ALS2CL: variants seen among roughly 807,000 people sequenced by gnomAD.
The protein encoded by ALS2CL is ALS2 C-terminal-like protein.
Under a neutral mutation model 127.9 loss-of-function variants are expected in ALS2CL, and 112 were observed. The ratio of observed to expected loss-of-function variants is 0.88; its 90% CI spans 0.75 to 1.02. ALS2CL has a LOEUF of 1.02. Ranked by LOEUF, ALS2CL falls within the 50% of genes least tolerant of loss-of-function variation. The pLI, the probability that ALS2CL is intolerant of heterozygous loss-of-function variation, is 0.00. For missense variants in ALS2CL, 1,174 were observed against 1,236.7 expected (o/e 0.95, Z 0.76); for synonymous variants, 519 against 527.6 (o/e 0.98, Z 0.22).
Position 46,675,477 on chromosome 3 carries a change from G to C in ALS2CL, c.2255+141C>G. On this transcript the variant is annotated intron_variant, in intron 20 of 25. Coordinates refer to ENST00000318962, the MANE Select transcript of ALS2CL (RefSeq NM_147129.5). ...TCATGGGTCATTCTAATCCACAAAC[G>C]ATCAATGCACAATGTTTGGTCAATA... is the stretch of plus-strand genomic sequence containing the variant. The C allele has an allele frequency of 3.8e-6, 3 of 787,482 alleles. No individual in the cohort carries two copies. In the South Asian group the frequency reaches 5.1e-5, roughly 13 times the overall value. 48.8% of individuals were successfully genotyped at this position (787,482 alleles called of 1,614,324 possible). A position where few individuals can be genotyped will look rare whatever the true frequency, so the allele number is the denominator to read the frequency against.
Position 46,681,461 on chromosome 3 carries a change from T to C in ALS2CL, c.1274+39A>G. 6.2e-7 allele frequency: 1 copy of C among 1,613,568 alleles called. No homozygotes were observed. Among genetic ancestry groups the C allele is most frequent in the Non-Finnish European group, 8.5e-7 (1 of 1,179,640 alleles). On this transcript the variant is annotated intron_variant, in intron 12 of 25. Transcript: ENST00000318962. This position sits in a 1 kb window ranked among gnomAD's most constrained non-coding sequence, Gnocchi z 4.9. ...GCCTCATGGAGCTCAGCCCAGAGGA[T>C]GGGCCCAGCCCATGAACCCCCCAGC... is the stretch of plus-strand genomic sequence containing the variant.
chr3:46,685,445 T>C (rs1466279212), intron 7 of ALS2CL, 80 bp downstream of exon 7: 1 of 1,569,594 alleles, frequency 6.4e-7, no homozygotes, highest in African/African-American at 1.3e-5. Context: ...CCCAGCAGCA[T>C]GCCCCTTTAC....
chr3:46,673,305 G>A (rs1339695372), intron 22 of ALS2CL, 34 bp downstream of exon 22: 8 of 1,551,906 alleles, frequency 5.2e-6, no homozygotes, highest in Non-Finnish European at 7.0e-6. Context: ...GACCTCTGGG[G>A]GCCCCTGGCT....
At chr3:46,682,170 G>A (rs1403249969) in intron 10 of ALS2CL, 76 bp from the exon 11 acceptor site, 57 of 1,500,332 alleles carry the variant, frequency 3.8e-5, no homozygotes, top group Non-Finnish European at 4.8e-5. Context: ...TTTCTCAGAC[G>A]CCCTCCCTTC....
rs142105856 is a variant in ALS2CL, at chr3:46,680,669, A to G, written c.1437-128T>C. 6.0e-4 allele frequency: 460 copies of G among 761,236 alleles called. 1 individual carries two copies. In the African/African-American group the frequency reaches 6.7e-3, roughly 11 times the overall value. The allele number at this position is 761,236 out of a possible 1,614,324, so 47.2% of individuals were successfully genotyped here. A position where few individuals can be genotyped will look rare whatever the true frequency, so the allele number is the denominator to read the frequency against. ...GTGACATCACCTGAATCCACTCAAC[A>G]GACACAGTGCCAGAGAGGTCAGGAC... On this transcript the variant is annotated intron_variant, in intron 13 of 25. Coordinates refer to ENST00000318962, the MANE Select transcript of ALS2CL (RefSeq NM_147129.5).
chr3:46,673,667 GAGCC>G (rs1698587041), intron 21 of ALS2CL, among the ~76,000 whole-genome samples: 1 of 152,224 alleles, frequency 6.6e-6, no homozygotes, highest in African/African-American at 2.4e-5. Flanking sequence ...AGGCTCTGCT[GAGCC>G]AGCACAGGGC....
At position 46,670,543 on chromosome 3, in the gene ALS2CL, A is replaced by G. The variant is rs1245675009; in HGVS notation, c.*441T>C. ...GAGGCTTCGAGCCTGCCAGAGGTCA[A>G]TACAGCCCAGCAGACTAAAGTCAGT... On this transcript the variant is annotated 3_prime_UTR_variant, in exon 26 of 26. Transcript: ENST00000318962. This position sits in a 1 kb window ranked among gnomAD's most constrained non-coding sequence, Gnocchi z 5.5. 1 of 180,402 alleles carries G rather than the reference A, an allele frequency of 5.5e-6. No homozygotes were observed. Among genetic ancestry groups the G allele is most frequent in the Non-Finnish European group, 1.2e-5 (1 of 84,020 alleles). 11.2% of individuals were successfully genotyped at this position (180,402 alleles called of 1,614,324 possible).
chr3:46,680,485 A>G lies in ALS2CL; in HGVS notation c.1493T>C (p.Met498Thr), dbSNP rs138551805. The G allele has an allele frequency of 6.2e-7, 1 of 1,613,512 alleles. No individual in the cohort carries two copies. The highest frequency in any genetic ancestry group is 8.5e-7 in the Non-Finnish European group (1 of 1,180,010). The change falls in exon 14 of 26, where the codon ATG becomes ACG. Residue 498 changes from methionine to threonine, a missense_variant. By Grantham distance (81) the Met-to-Thr change is moderately conservative. Transcript: ENST00000318962. ...QAGQRHGPGV[M>T]VTQAGVCYQG... is the part of the protein sequence containing the mutation. ...GTAGCAGACACCTGCCTGGGTGACC[A>G]TGACCCCTGGGCCGTGGCGCTGACC...
At position 46,670,699 on chromosome 3, in the gene ALS2CL, A is replaced by G; in HGVS notation, c.*285T>C. 1 of 417,066 alleles carries G rather than the reference A, an allele frequency of 2.4e-6. No individual in the cohort carries two copies. Among genetic ancestry groups the G allele is most frequent in the Non-Finnish European group, 4.5e-6 (1 of 222,640 alleles). 25.8% of individuals were successfully genotyped at this position (417,066 alleles called of 1,614,324 possible). On this transcript the variant is annotated 3_prime_UTR_variant, in exon 26 of 26. Transcript: ENST00000318962. This position sits in a 1 kb window ranked among gnomAD's most constrained non-coding sequence, Gnocchi z 5.5. ...GAACTTGGGAGAAAGGCTCAGGCTA[A>G]GAGAAGCCAGGGACTCCTCACCCCC...
Position 46,672,731 on chromosome 3 carries a change from A to T in ALS2CL, c.2473-530T>A, listed in dbSNP as rs573683119. ...TGGTTCTGGCCAAGCGCAGTGGCTC[A>T]CGCCTGTAATCCCACCACTTTAGGA... On this transcript the variant is annotated intron_variant, in intron 22 of 25. Coordinates refer to ENST00000318962, the MANE Select transcript of ALS2CL (RefSeq NM_147129.5). Among the ~76,000 whole-genome samples the T allele has an allele frequency of 2.6e-5, 4 of 152,304 alleles. No homozygotes were observed. The East Asian group carries it at 7.7e-4, about 29-fold the overall frequency.
At chr3:46,687,835 C>T in intron 3 of ALS2CL, 151 bp from the exon 4 acceptor site, 1 of 855,176 alleles carries the variant, frequency 1.2e-6, no homozygotes, top group Non-Finnish European at 1.8e-6. Context: ...GAGACCTCAA[C>T]TCCTGGGCCA....
At chr3:46,677,448 C>A in intron 16 of ALS2CL, 2 of 976,178 alleles carry the variant, frequency 2.0e-6, no homozygotes, top group Admixed American at 5.0e-5. Context: ...TGGGGCCTGG[C>A]TGCGCATGTC....
In ALS2CL at chr3:46,681,314, G is replaced by C; in HGVS notation, c.1368C>G (p.Pro456=). The C allele has an allele frequency of 2.5e-6, 4 of 1,613,906 alleles. No individual in the cohort carries two copies. Among genetic ancestry groups the C allele is most frequent in the Non-Finnish European group, 3.4e-6 (4 of 1,179,878 alleles). Residue 456 remains proline, a synonymous_variant, in exon 13 of 26, where the codon CCC becomes CCG. Transcript: ENST00000318962. This position sits in a 1 kb window ranked among gnomAD's most constrained non-coding sequence, Gnocchi z 4.9. ...VLESGPQAPQ[P]FRYTGHWERG... ...TCTCCCAGTGGCCCGTGTACCTGAA[G>C]GGCTGGGGGGCCTGCGGACCACTCT...
intron 25 of ALS2CL, 118 bp from the exon 26 acceptor site, chr3:46,671,182 CCAA>C: frequency 8.8e-7 from 1 of 1,130,676 alleles, no homozygotes; most frequent in Non-Finnish European, 1.3e-6. Flanking sequence ...AGGCGTGTCT[CCAA>C]CTCAGCCCTC....
rs1195201428 is a variant in ALS2CL at position 46,674,833 on chromosome 3, A to G, written c.2256-94T>C. ...CTCAAAGAGCTCCTAGTTCCACAACAAACAGTGTCCTGGCCTCCAGCCTCC... is the reference window on the plus strand; with the variant it reads ...CTCAAAGAGCTCCTAGTTCCACAACGAACAGTGTCCTGGCCTCCAGCCTCC... On this transcript the variant is annotated intron_variant, in intron 20 of 25. Coordinates refer to ENST00000318962, the MANE Select transcript of ALS2CL (RefSeq NM_147129.5). 8 of 1,288,708 alleles carry G rather than the reference A, an allele frequency of 6.2e-6. No individual in the cohort carries two copies. In the Admixed American group the frequency reaches 2.1e-4, roughly 34 times the overall value. The allele number at this position is 1,288,708 out of a possible 1,614,324, so 79.8% of individuals were successfully genotyped here. A position where few individuals can be genotyped will look rare whatever the true frequency, so the allele number is the denominator to read the frequency against.
Position 46,686,494 on chromosome 3 carries a change from C to T in ALS2CL, c.535-55G>A. On this transcript the variant is annotated intron_variant, in intron 5 of 25. Transcript: ENST00000318962. The surrounding 1 kb of genome is among the most constrained non-coding windows in gnomAD (Gnocchi z 4.3). Reference sequence around the variant, plus strand: ...GAGAGCTTACTGGAATCTTCCCTAGCCCAGTCCTGGTCCCGGCTGGTGGGG... The same window carrying T: ...GAGAGCTTACTGGAATCTTCCCTAGTCCAGTCCTGGTCCCGGCTGGTGGGG... The T allele has an allele frequency of 6.3e-7, 1 of 1,575,448 alleles. No homozygotes were observed. The highest frequency in any genetic ancestry group is 1.3e-5 in the African/African-American group (1 of 74,286).
Position 46,679,363 on chromosome 3 carries a change from G to A in ALS2CL, c.1549-76C>T, listed in dbSNP as rs574712421. 7 of 1,280,304 alleles carry A rather than the reference G, an allele frequency of 5.5e-6. No homozygotes were observed. The East Asian group carries it at 7.6e-5, about 14-fold the overall frequency. 79.3% of individuals were successfully genotyped at this position (1,280,304 alleles called of 1,614,324 possible). On this transcript the variant is annotated intron_variant, in intron 14 of 25. Transcript: ENST00000318962. Reference sequence around the variant, plus strand: ...AGGAAACTCAGGGTGGAGAGAGATGGCCAAAGAAGGGAGATGTGCCCTGAC... The same window carrying A: ...AGGAAACTCAGGGTGGAGAGAGATGACCAAAGAAGGGAGATGTGCCCTGAC...
chr3:46,681,389 C>T lies in ALS2CL; in HGVS notation c.1293G>A (p.Val431=), dbSNP rs1575430269. 1.2e-6 allele frequency: 2 copies of T among 1,606,480 alleles called. No homozygotes were observed. Among genetic ancestry groups the T allele is most frequent in the African/African-American group, 1.3e-5 (1 of 74,900 alleles). The change falls in exon 13 of 26, where the codon GTG becomes GTA. Residue 431 remains valine, a synonymous_variant. Transcript: ENST00000318962. The surrounding 1 kb of genome is among the most constrained non-coding windows in gnomAD (Gnocchi z 4.9). ...YGICEYSTDE[V]YKGYFQEGLR... is the part of the protein sequence containing the mutation. ...GGCCCTCCTGGAAGTAGCCCTTGTA[C>T]ACCTCGTCGGTGCTGTACCTGGGGA...
At position 46,681,361 on chromosome 3, in the gene ALS2CL, G is replaced by T; in HGVS notation, c.1321C>A (p.Arg441=). ...CTCTCAAGGACCCCAAATCCGTGCC[G>T]CAGGCCCTCCTGGAAGTAGCCCTTG... ...VYKGYFQEGL[R]HGFGVLESGP... The change falls in exon 13 of 26, where the codon CGG becomes AGG. Residue 441 remains arginine (R), a synonymous_variant. Coordinates refer to ENST00000318962, the MANE Select transcript of ALS2CL (RefSeq NM_147129.5). The surrounding 1 kb of genome is among the most constrained non-coding windows in gnomAD (Gnocchi z 4.9). 2 of 1,608,954 alleles carry T rather than the reference G, an allele frequency of 1.2e-6. No individual in the cohort carries two copies. The highest frequency in any genetic ancestry group is 8.5e-7 in the Non-Finnish European group (1 of 1,176,076).
Sources: allele counts gnomAD v4.1 joint callset (sites outside exome capture counted in the v4.1 genomes callset), GRCh38; gene constraint gnomAD v4.1.1; non-coding constraint Gnocchi (gnomAD v3.1); transcripts MANE v1.5; gene names NCBI Gene and HGNC (gene_info 2026-07-23, HGNC 2026-07-21).